Variants in ST8SIA6 observed in about 807,000 individuals in gnomAD.
The protein encoded by ST8SIA6 is alpha-2,8-sialyltransferase 8F.
Under a neutral mutation model 33.6 loss-of-function variants are expected in ST8SIA6, and 39 were observed. The observed-to-expected ratio is 1.16, with a 90% CI of 0.90 to 1.52. ST8SIA6 has a LOEUF of 1.52. Ranked by LOEUF, ST8SIA6 falls within the 40% of genes most tolerant of loss-of-function variation. ST8SIA6 has a pLI of 0.00. For missense variants in ST8SIA6, 441 were observed against 443.8 expected, an observed-to-expected ratio of 0.99 and a Z score of 0.06; for synonymous variants, 172 against 167.2, an observed-to-expected ratio of 1.03 and a Z score of -0.22.
intron 2 of ST8SIA6, among the ~76,000 whole-genome samples, chr10:17,437,160 G>A (rs945414387): frequency 5.3e-5 from 8 of 151,114 alleles, no homozygotes; most frequent in East Asian, 1.9e-4. Flanking sequence ...TCTCTCATAC[G>A]TATTTCACAT....
chr10:17,395,602 GC>G (rs1850777318), intron 2 of ST8SIA6, among the ~76,000 whole-genome samples: 1 of 152,100 alleles, frequency 6.6e-6, no homozygotes, highest in Non-Finnish European at 1.5e-5. Context: ...TTAAAAACTT[GC>G]CAGGCATGGT....
rs112083592 is a variant in ST8SIA6 at position 17,323,229 on chromosome 10, G to GCGCACGCGCACACA, written c.636-73_636-72insTGTGTGCGCGTGCG. On this transcript the variant is annotated intron_variant, in intron 6 of 7. Coordinates refer to ENST00000377602, the MANE Select transcript of ST8SIA6 (RefSeq NM_001004470.3). ...AAAGATTGTATACACACATATGCGC[G>GCGCACGCGCACACA]CACACACACACACACACACACCTAT... is the stretch of plus-strand genomic sequence containing the variant. The GCGCACGCGCACACA allele has an allele frequency of 3.6e-4, 289 of 794,512 alleles. No homozygotes were observed. In the East Asian group the frequency reaches 3.9e-3, roughly 11 times the overall value. 49.2% of individuals were successfully genotyped at this position (794,512 alleles called of 1,614,324 possible).
intron 4 of ST8SIA6, among the ~76,000 whole-genome samples, chr10:17,332,142 C>T (rs1005459425): frequency 4.6e-5 from 7 of 152,142 alleles, no homozygotes; most frequent in Admixed American, 2.0e-4. Context: ...TTTATGGCTG[C>T]GTAGCATTCC....
In ST8SIA6 at chr10:17,320,883, C is replaced by T. The variant is rs759505751; in HGVS notation, c.1192G>A (p.Ala398Thr). The T allele has an allele frequency of 4.8e-5, 77 of 1,613,506 alleles. No individual in the cohort carries two copies. In the Admixed American group the frequency reaches 6.7e-4, roughly 14 times the overall value. Residue 398 changes from alanine (A) to threonine (T), a missense_variant, in exon 8 of 8, where the codon GCC (alanine) becomes ACC (threonine). Physicochemically the swap from Ala to Thr is moderately conservative, Grantham distance 58. Transcript: ENST00000377602. ...CCCATTTTAAGATACTTTGTTTAGG[C>T]GACTTCACATTTGCTAAATTGCAGT... ...LKLQFSKCEVA is the reference protein window; with the variant it reads ...LKLQFSKCEVT
intron 2 of ST8SIA6, among the ~76,000 whole-genome samples, chr10:17,441,072 A>G (rs1360447969): frequency 1.3e-5 from 2 of 152,108 alleles, no homozygotes; most frequent in Non-Finnish European, 2.9e-5. Flanking sequence ...TATATTCTTA[A>G]TGGTGTCTGT....
intron 3 of ST8SIA6, among the ~76,000 whole-genome samples, chr10:17,365,837 A>G (rs1849541262): frequency 6.6e-6 from 1 of 152,194 alleles, no homozygotes; most frequent in Admixed American, 6.6e-5. Flanking sequence ...TTCCTATGAC[A>G]TCTCTTCATG....
chr10:17,342,847 G>T (rs1030424336), intron 4 of ST8SIA6, among the ~76,000 whole-genome samples: 2 of 152,174 alleles, frequency 1.3e-5, no homozygotes, highest in Non-Finnish European at 2.9e-5. Context: ...TACTCAGGAG[G>T]CTGAGGTGGG....
intron 2 of ST8SIA6, among the ~76,000 whole-genome samples, chr10:17,416,111 C>T (rs928766527): frequency 6.6e-6 from 1 of 152,026 alleles, no homozygotes; most frequent in Non-Finnish European, 1.5e-5. Flanking sequence ...CTGGGCCGCA[C>T]TTATCTTACT....
At chr10:17,442,834 C>A (rs75227486) in intron 2 of ST8SIA6, among the ~76,000 whole-genome samples, 213 of 152,260 alleles carry the variant, frequency 1.4e-3, no homozygotes, top group African/African-American at 5.0e-3. Flanking sequence ...GCTATTTTGT[C>A]ACGTAAATCT....
intron 4 of ST8SIA6, among the ~76,000 whole-genome samples, chr10:17,336,757 CT>C (rs1162631619): frequency 6.6e-6 from 1 of 151,838 alleles, no homozygotes; most frequent in Non-Finnish European, 1.5e-5. Context: ...CTACACCCAA[CT>C]AATTTTTATA....
At chr10:17,392,911 G>T (rs558039290) in intron 2 of ST8SIA6, among the ~76,000 whole-genome samples, 1 of 152,186 alleles carries the variant, frequency 6.6e-6, no homozygotes, top group Non-Finnish European at 1.5e-5. Context: ...TTGGGCAAAG[G>T]GGTGCCCAGA....
intron 7 of ST8SIA6, among the ~76,000 whole-genome samples, chr10:17,322,669 C>T (rs1030354053): frequency 1.3e-5 from 2 of 152,050 alleles, no homozygotes; most frequent in Non-Finnish European, 2.9e-5. Context: ...AACTTGATAA[C>T]TGTATTTTGC....
At chr10:17,374,168 C>T (rs1849821898) in intron 3 of ST8SIA6, among the ~76,000 whole-genome samples, 1 of 147,856 alleles carries the variant, frequency 6.8e-6, no homozygotes, top group Non-Finnish European at 1.5e-5. Flanking sequence ...TGACTTTGAA[C>T]AAATCATAAT....
chr10:17,366,993 A>C (rs1849578690), intron 3 of ST8SIA6, among the ~76,000 whole-genome samples: 1 of 152,212 alleles, frequency 6.6e-6, no homozygotes, highest in Admixed American at 6.5e-5. Flanking sequence ...AAGAATTTAT[A>C]GCACAAACAG....
chr10:17,446,538 C>T (rs141251344), intron 2 of ST8SIA6, among the ~76,000 whole-genome samples: 1 of 152,072 alleles, frequency 6.6e-6, no homozygotes, highest in East Asian at 1.9e-4. Context: ...TGATAGAGCA[C>T]AACAGAGAAG....
At chr10:17,331,386 C>A (rs1369126838) in intron 5 of ST8SIA6, 22 bp downstream of exon 5, 4 of 1,588,766 alleles carry the variant, frequency 2.5e-6, no homozygotes, top group Middle Eastern at 1.7e-4. Context: ...ACACAAATAA[C>A]CCACCAGAAA....
intron 2 of ST8SIA6, among the ~76,000 whole-genome samples, chr10:17,424,675 C>G (rs959322204): frequency 6.6e-6 from 1 of 152,036 alleles, no homozygotes; most frequent in Admixed American, 6.6e-5. Context: ...GTTTTACTTG[C>G]AGCTGTGCCC....
chr10:17,439,363 TC>T (rs1223870889), intron 2 of ST8SIA6, among the ~76,000 whole-genome samples: 2 of 147,008 alleles, frequency 1.4e-5, no homozygotes, highest in African/African-American at 5.0e-5. Context: ...CACTGCAACC[TC>T]CGCCTTCCAT....
At position 17,316,832 on chromosome 10, in the gene ST8SIA6, C is replaced by G. The variant is rs979715132; in HGVS notation, c.*4046G>C. On this transcript the variant is annotated 3_prime_UTR_variant, in exon 8 of 8. Transcript: ENST00000377602. ...GTCTTTTACTTGTTGATTTACAATTCCTTGGAATGTCTCTCTATTAATGTC... is the reference window on the plus strand; with the variant it reads ...GTCTTTTACTTGTTGATTTACAATTGCTTGGAATGTCTCTCTATTAATGTC... 6.6e-6 allele frequency among the ~76,000 whole-genome samples: 1 copy of G among 151,894 alleles called. No individual in the cohort carries two copies. Among genetic ancestry groups the G allele is most frequent in the African/African-American group, 2.4e-5 (1 of 41,334 alleles).
Sources: gnomAD v4.1 joint callset for allele counts (sites outside exome capture counted in the v4.1 genomes callset) on GRCh38, gnomAD v4.1.1 for gene constraint, MANE v1.5 for transcripts, NCBI Gene and HGNC (gene_info 2026-07-23, HGNC 2026-07-21) for gene names.